Variants in TP53BP2 observed in about 807,000 individuals in gnomAD.
TP53BP2 encodes the protein apoptosis-stimulating of p53 protein 2.
A neutral mutation model predicts 126.2 loss-of-function variants in TP53BP2; 62 were observed. The ratio of observed to expected loss-of-function variants is 0.49; its 90% confidence interval spans 0.40 to 0.61. The LOEUF (loss-of-function observed/expected upper bound fraction) is 0.61, where lower values mean the gene tolerates loss of function less well. TP53BP2 is among the 20% of genes least tolerant of loss of function. The pLI, the probability that TP53BP2 is intolerant of heterozygous loss-of-function variation, is 0.00. For missense variants in TP53BP2, 1,215 were observed against 1,402.8 expected, an observed-to-expected ratio of 0.87 and a Z score of 2.14; for synonymous variants, 485 against 502.9, an observed-to-expected ratio of 0.96 and a Z score of 0.48.
intron 1 of TP53BP2, among the ~76,000 whole-genome samples, chr1:223,824,538 G>A (rs1663422672): frequency 6.6e-6 from 1 of 152,030 alleles, no homozygotes; most frequent in African/African-American, 2.4e-5. Flanking sequence ...ACTACCTTAG[G>A]CAAGTAATGT....
intron 4 of TP53BP2, among the ~76,000 whole-genome samples, chr1:223,808,478 T>G (rs1202816912): frequency 1.3e-5 from 2 of 150,468 alleles, no homozygotes; most frequent in Non-Finnish European, 3.0e-5. Flanking sequence ...GAGGTGGAGG[T>G]TGCAGTGAGC....
At chr1:223,791,680 A>C (rs1216129650) in intron 15 of TP53BP2, among the ~76,000 whole-genome samples, 2 of 152,208 alleles carry the variant, frequency 1.3e-5, no homozygotes, top group African/African-American at 2.4e-5. Context: ...TACTGGAGTA[A>C]ATATAGTGTG....
At chr1:223,789,548 T>C (rs1406411026) in intron 15 of TP53BP2, among the ~76,000 whole-genome samples, 1 of 152,250 alleles carries the variant, frequency 6.6e-6, no homozygotes, top group Non-Finnish European at 1.5e-5. Flanking sequence ...GCCCTAACAG[T>C]CCTTAAGTTA....
rs377272416 is a variant in TP53BP2 at position 223,808,029 on chromosome 1, TA to T, written c.373-1083del. Reference sequence around the variant, plus strand: ...TTACACTACCTGACTTCAAGACTTATAAAAGTTCCAGTGACCAATGCATGTG... The same window carrying T: ...TTACACTACCTGACTTCAAGACTTATAAAGTTCCAGTGACCAATGCATGTG... On this transcript the variant is annotated intron_variant, in intron 4 of 17. Coordinates refer to ENST00000343537, the MANE Select transcript of TP53BP2 (RefSeq NM_001031685.3). Among the ~76,000 whole-genome samples the T allele has an allele frequency of 4.7e-3, 718 of 152,314 alleles. 3 individuals are homozygous for T. Among genetic ancestry groups the T allele is most frequent in the South Asian group, 0.025 (119 of 4,824 alleles).
intron 1 of TP53BP2, among the ~76,000 whole-genome samples, chr1:223,830,346 A>C (rs1438729042): frequency 6.6e-6 from 1 of 152,126 alleles, no homozygotes; most frequent in Non-Finnish European, 1.5e-5. Context: ...AGGATGCTCA[A>C]CCTGTAGTAA....
In TP53BP2 at chr1:223,795,917, T is replaced by C. The variant is rs758563696; in HGVS notation, c.2622A>G (p.Pro874=). 3.9e-5 allele frequency: 63 copies of C among 1,613,944 alleles called. No individual in the cohort carries two copies. Among genetic ancestry groups the C allele is most frequent in the African/African-American group, 5.3e-5 (4 of 75,044 alleles). Residue 874 remains proline (P), a synonymous_variant, in exon 13 of 18, where the codon CCA becomes CCG. Coordinates refer to ENST00000343537, the MANE Select transcript of TP53BP2 (RefSeq NM_001031685.3). ...VLDVYLEEYP[P]YPPPPYPSGE... The stretch of plus-strand genomic sequence containing the variant: ...CAGATGGGTATGGTGGGGGTGGGTA[T>C]GGAGGGTACTCCTCCAGGTACACAT...
At chr1:223,826,581 G>A (rs1296075806) in intron 1 of TP53BP2, among the ~76,000 whole-genome samples, 1 of 152,162 alleles carries the variant, frequency 6.6e-6, no homozygotes, top group Non-Finnish European at 1.5e-5. Context: ...GCTACTTTTT[G>A]GGGTGATGAA....
At chr1:223,845,280 C>T in intron 1 of TP53BP2, 2 of 984,358 alleles carry the variant, frequency 2.0e-6, no homozygotes, top group Non-Finnish European at 2.4e-6. Context: ...AGTAAAAAGA[C>T]ACAGCAAAGA....
chr1:223,830,820 C>T lies in TP53BP2; in HGVS notation c.28-9453G>A, dbSNP rs142034988. On this transcript the variant is annotated intron_variant, in intron 1 of 17. Coordinates refer to ENST00000343537, the MANE Select transcript of TP53BP2 (RefSeq NM_001031685.3). ...CTTTAAAAATATATGTACCATCGGC[C>T]GGGCACAGTGGCTCACGCCTGTAAT... is the stretch of plus-strand genomic sequence containing the variant. Among the ~76,000 whole-genome samples, 12 of 152,282 alleles carry T rather than the reference C, an allele frequency of 7.9e-5. No homozygotes were observed. The East Asian group carries it at 2.3e-3, about 29-fold the overall frequency.
intron 2 of TP53BP2, among the ~76,000 whole-genome samples, chr1:223,815,024 T>G: frequency 6.6e-6 from 1 of 152,128 alleles, no homozygotes; most frequent in East Asian, 1.9e-4. Context: ...CAAGCTGTCC[T>G]AAAAAAATCT....
intron 2 of TP53BP2, among the ~76,000 whole-genome samples, chr1:223,814,637 G>A (rs1033159713): frequency 2.0e-5 from 3 of 152,060 alleles, no homozygotes; most frequent in Non-Finnish European, 2.9e-5. Context: ...GGCCACAGGT[G>A]CACCATTTAA....
chr1:223,816,779 G>T (rs1448828751), intron 2 of TP53BP2, among the ~76,000 whole-genome samples: 1 of 151,616 alleles, frequency 6.6e-6, no homozygotes, highest in Non-Finnish European at 1.5e-5. Flanking sequence ...TGTTAATGTG[G>T]TTCATGATAG....
chr1:223,837,738 A>G (rs1400762545), intron 1 of TP53BP2, among the ~76,000 whole-genome samples: 1 of 152,216 alleles, frequency 6.6e-6, no homozygotes, highest in Admixed American at 6.5e-5. Context: ...CTGTCCACAC[A>G]GCAACAGAGT....
chr1:223,788,089 A>G (rs1261667341), intron 16 of TP53BP2, among the ~76,000 whole-genome samples: 1 of 152,046 alleles, frequency 6.6e-6, no homozygotes, highest in Admixed American at 6.6e-5. Context: ...AAATAATCAC[A>G]AATATCAGCA....
chr1:223,793,883 C>G (rs567245419), intron 13 of TP53BP2, among the ~76,000 whole-genome samples: 4 of 152,250 alleles, frequency 2.6e-5, no homozygotes, highest in African/African-American at 9.6e-5. Flanking sequence ...CAACAGCTAA[C>G]CTATATTGAA....
At chr1:223,783,223 C>G (rs1445063112) in intron 17 of TP53BP2, among the ~76,000 whole-genome samples, 1 of 152,210 alleles carries the variant, frequency 6.6e-6, no homozygotes, top group African/African-American at 2.4e-5. Context: ...TATCCCCACA[C>G]TAATCTTGGG....
In TP53BP2 at chr1:223,845,785, AGGC is replaced by A. The variant is rs914921250; in HGVS notation, c.-108_-106del. ...AGCGAGGCCGCCCGGACCTGTTGCGAGGCGGCGGCGGCGGCAGCGGCGGCGCGC... is the reference window on the plus strand; with the variant it reads ...AGCGAGGCCGCCCGGACCTGTTGCGAGGCGGCGGCGGCAGCGGCGGCGCGC... On this transcript the variant is annotated 5_prime_UTR_variant, in exon 1 of 18. Transcript: ENST00000343537. 210 of 1,148,596 alleles carry A rather than the reference AGGC, an allele frequency of 1.8e-4. 1 individual carries two copies. Among genetic ancestry groups the A allele is most frequent in the South Asian group, 5.0e-4 (15 of 29,978 alleles). 71.2% of individuals were successfully genotyped at this position (1,148,596 alleles called of 1,614,324 possible). A position where few individuals can be genotyped will look rare whatever the true frequency, so the allele number is the denominator to read the frequency against.
chr1:223,837,163 G>GGGGGGGGGGGA (rs1553264323), intron 1 of TP53BP2, among the ~76,000 whole-genome samples: 1 of 124,818 alleles, frequency 8.0e-6, no homozygotes, highest in African/African-American at 3.1e-5. Flanking sequence ...AAAGGGGGGG[G>GGGGGGGGGGGA]GCGGGGGGTC....
intron 1 of TP53BP2, among the ~76,000 whole-genome samples, chr1:223,827,543 T>A (rs1343629047): frequency 2.6e-5 from 4 of 152,202 alleles, no homozygotes; most frequent in African/African-American, 9.6e-5. Flanking sequence ...TTCCAGTGTG[T>A]TCTGCCCTAA....
Sources: allele counts gnomAD v4.1 joint callset (sites outside exome capture counted in the v4.1 genomes callset), GRCh38; gene constraint gnomAD v4.1.1; transcripts MANE v1.5; gene names NCBI Gene and HGNC (gene_info 2026-07-23, HGNC 2026-07-21).